Variants in DENND4A observed in about 807,000 individuals in gnomAD.
DENND4A encodes DENN domain containing 4A, also known as C-myc promoter-binding protein.
Under a neutral mutation model 199.3 loss-of-function variants are expected in DENND4A, and 70 were observed. The ratio of observed to expected loss-of-function variants is 0.35; its 90% CI spans 0.29 to 0.43. The LOEUF (loss-of-function observed/expected upper bound fraction) is 0.43, where lower values mean the gene tolerates loss of function less well. Ranked by LOEUF, DENND4A falls within the 20% of genes least tolerant of loss-of-function variation. The pLI is 1.00. For synonymous variants in DENND4A, 686 were observed against 766.9 expected, an observed-to-expected ratio of 0.89 and a Z score of 1.74; for missense variants, 1,723 against 2,255.8, an observed-to-expected ratio of 0.76 and a Z score of 4.78.
chr15:65,718,747 C>T (rs368071001), intron 12 of DENND4A, among the ~76,000 whole-genome samples: 118 of 111,506 alleles, frequency 1.1e-3, no homozygotes, highest in African/African-American at 3.7e-3. Flanking sequence ...AAAAGTTTTG[C>T]ATGTTTTTTT....
chr15:65,726,295 G>A (rs1038316917), intron 11 of DENND4A, among the ~76,000 whole-genome samples: 5 of 152,032 alleles, frequency 3.3e-5, no homozygotes, highest in Non-Finnish European at 5.9e-5. Context: ...ACATTGTAAG[G>A]TGGAAAATAC....
At chr15:65,676,226 T>C (rs1252105738) in intron 24 of DENND4A, among the ~76,000 whole-genome samples, 2 of 148,072 alleles carry the variant, frequency 1.4e-5, no homozygotes, top group Non-Finnish European at 3.0e-5. Context: ...TGAATAAAAA[T>C]GGTTGCTTCT....
chr15:65,737,963 T>G lies in DENND4A; in HGVS notation c.802-18A>C, dbSNP rs781670556. On this transcript the variant is annotated intron_variant, in intron 6 of 32. Transcript: ENST00000443035. ...CCATAAACCTGCAAAACAAGTAATA[T>G]ATCCAGTAAATATACTTTGTATCAT... The G allele has an allele frequency of 1.1e-5, 17 of 1,551,980 alleles. No individual in the cohort carries two copies. In the South Asian group the frequency reaches 2.0e-4, roughly 19 times the overall value.
intron 11 of DENND4A, 77 bp downstream of exon 11, chr15:65,728,995 A>G (rs937399892): frequency 1.5e-6 from 2 of 1,344,672 alleles, no homozygotes; most frequent in African/African-American, 2.9e-5. Context: ...CCTACTTAAC[A>G]ATCATAAAAT....
At chr15:65,749,960 A>G (rs1298274148) in intron 4 of DENND4A, among the ~76,000 whole-genome samples, 2 of 152,232 alleles carry the variant, frequency 1.3e-5, no homozygotes, top group African/African-American at 4.8e-5. Flanking sequence ...CACAGCATTA[A>G]TCAAAGTAGC....
At chr15:65,708,591 A>T (rs188073291) in intron 14 of DENND4A, among the ~76,000 whole-genome samples, 8 of 152,358 alleles carry the variant, frequency 5.3e-5, no homozygotes, top group Admixed American at 4.6e-4. Flanking sequence ...TCAGTTGGAC[A>T]TCTCTGTCTT....
chr15:65,676,229 T>TTGC (rs2141937212), intron 24 of DENND4A, among the ~76,000 whole-genome samples: 1 of 148,692 alleles, frequency 6.7e-6, no homozygotes, highest in African/African-American at 2.5e-5. Context: ...ATAAAAATGG[T>TTGC]TGCTTCTAGG....
intron 32 of DENND4A, 116 bp downstream of exon 32, chr15:65,664,214 C>A: frequency 1.6e-6 from 1 of 639,814 alleles, no homozygotes. Flanking sequence ...ACTAATCTAC[C>A]TTTATATAAT....
intron 1 of DENND4A, among the ~76,000 whole-genome samples, chr15:65,775,458 TAGGGA>T (rs891528589): frequency 1.3e-5 from 2 of 151,706 alleles, no homozygotes; most frequent in African/African-American, 4.8e-5. Context: ...CTGGCCAACA[TAGGGA>T]AACCCTGCCT....
At chr15:65,683,401 TATTA>T (rs1480028478) in intron 23 of DENND4A, among the ~76,000 whole-genome samples, 1 of 152,230 alleles carries the variant, frequency 6.6e-6, no homozygotes, top group Non-Finnish European at 1.5e-5. Flanking sequence ...GCTCCATGTT[TATTA>T]CTTCCTTCTT....
At chr15:65,723,837 T>A (rs1165891718) in intron 11 of DENND4A, among the ~76,000 whole-genome samples, 2 of 152,206 alleles carry the variant, frequency 1.3e-5, no homozygotes, top group Non-Finnish European at 2.9e-5. Flanking sequence ...ACTTTCAGAC[T>A]ATAGTTGGCC....
At chr15:65,728,882 CTTCT>C (rs1596541469) in intron 11 of DENND4A, 186 bp downstream of exon 11, 1 of 644,680 alleles carries the variant, frequency 1.6e-6, no homozygotes, top group East Asian at 2.9e-5. Context: ...CCAACAAAAC[CTTCT>C]TTAATACTCT....
chr15:65,781,414 G>C (rs1253215247), intron 1 of DENND4A, among the ~76,000 whole-genome samples: 2 of 152,128 alleles, frequency 1.3e-5, no homozygotes, highest in Non-Finnish European at 2.9e-5. Flanking sequence ...CCGAAGACAG[G>C]AAAACTACGA....
At chr15:65,718,167 C>G (rs1178428698) in intron 12 of DENND4A, among the ~76,000 whole-genome samples, 171 bp from the exon 13 acceptor site, 2 of 152,068 alleles carry the variant, frequency 1.3e-5, no homozygotes, top group Non-Finnish European at 1.5e-5. Flanking sequence ...TTTGTAGTCT[C>G]CGTTGAGTAA....
chr15:65,754,102 G>A (rs1326007646), intron 3 of DENND4A, among the ~76,000 whole-genome samples: 1 of 151,758 alleles, frequency 6.6e-6, no homozygotes, highest in African/African-American at 2.4e-5. Context: ...CCAAAGTGCC[G>A]GGATTACAGG....
At chr15:65,718,062 A>G (rs573310353) in intron 12 of DENND4A, 66 bp from the exon 13 acceptor site, 1 of 1,228,274 alleles carries the variant, frequency 8.1e-7, no homozygotes, top group Non-Finnish European at 1.1e-6. Context: ...GTACCAATAT[A>G]ATTTTGTTGT....
chr15:65,741,773 T>G lies in DENND4A; in HGVS notation c.573A>C (p.Ala191=). 1 of 1,611,722 alleles carries G rather than the reference T, an allele frequency of 6.2e-7. No homozygotes were observed. The highest frequency in any genetic ancestry group is 8.5e-7 in the Non-Finnish European group (1 of 1,178,714). ...KNLNNSMWGS[A]VYLCYKKSVA... ...CCGATTTTTTATAACACAAGTATACTGCTGATCCCCACTGGATTTAAAAAA... is the reference window on the plus strand; with the variant it reads ...CCGATTTTTTATAACACAAGTATACGGCTGATCCCCACTGGATTTAAAAAA... Residue 191 remains alanine (A), a synonymous_variant, in exon 5 of 33, where the codon GCA becomes GCC. Transcript: ENST00000443035.
At chr15:65,767,287 CCTGT>C (rs1236449885) in intron 1 of DENND4A, 3 of 152,142 alleles carry the variant, frequency 2.0e-5, no homozygotes, top group Non-Finnish European at 2.9e-5. Context: ...AACCAGCTTG[CCTGT>C]CTAACATACC....
rs748217188 is a variant in DENND4A at position 65,691,259 on chromosome 15, G to C, written c.3335C>G (p.Ser1112Ter). ...EKLGADAKIL[S>*]NVISKSTRPN... ...TCTCGTGCTTTTTGAGATAACATTT[G>C]AAAGAATTTTTGCATCAGCTCCCAA... Residue 1112 changes from serine to a stop codon, truncating the protein, a stop_gained, in exon 23 of 33, where the codon TCA becomes TGA. Coordinates refer to ENST00000443035, the MANE Select transcript of DENND4A (RefSeq NM_001320835.1). LOFTEE classifies it high-confidence loss of function. The C allele has an allele frequency of 6.2e-7, 1 of 1,613,004 alleles. No homozygotes were observed. Among genetic ancestry groups the C allele is most frequent in the South Asian group, 1.1e-5 (1 of 90,982 alleles).
Sources: gnomAD v4.1 joint callset for allele counts (sites outside exome capture counted in the v4.1 genomes callset) on GRCh38, gnomAD v4.1.1 for gene constraint, MANE v1.5 for transcripts, NCBI Gene and HGNC (gene_info 2026-07-23, HGNC 2026-07-21) for gene names.